LRRK2: variants seen among roughly 807,000 people sequenced by gnomAD.
LRRK2 encodes leucine-rich repeat serine/threonine-protein kinase 2.
LRRK2 carries 203 observed loss-of-function variants against 302.6 expected under a neutral mutation model. That is an observed-to-expected ratio of 0.67 (90% CI 0.60 to 0.75). The LOEUF (loss-of-function observed/expected upper bound fraction) is 0.75. Among genes scored for constraint, LRRK2 ranks in the 30% least tolerant of loss-of-function variants. The pLI is 0.00. For synonymous variants in LRRK2, 1,066 were observed against 1,031.9 expected, an observed-to-expected ratio of 1.03 and a Z score of -0.63; for missense variants, 2,830 against 2,951.0, an observed-to-expected ratio of 0.96 and a Z score of 0.95.
chr12:40,316,457 G>A (rs1945225568), intron 33 of LRRK2: 1 of 461,232 alleles, frequency 2.2e-6, no homozygotes, highest in East Asian at 1.5e-4. Context: ...CATGGATAAT[G>A]TGATTTTACT....
chr12:40,236,470 T>G (rs933854854), intron 4 of LRRK2, among the ~76,000 whole-genome samples: 34 of 152,194 alleles, frequency 2.2e-4, no homozygotes, highest in African/African-American at 8.0e-4. Context: ...CTTGAAATGA[T>G]GCAACAGTTG....
chr12:40,296,770 A>G (rs996076083), intron 23 of LRRK2, among the ~76,000 whole-genome samples: 1 of 152,144 alleles, frequency 6.6e-6, no homozygotes, highest in Non-Finnish European at 1.5e-5. Context: ...TAAAGTTTTT[A>G]TATCTGGAGA....
chr12:40,316,285 A>AT (rs1945217197), intron 33 of LRRK2: 1 of 982,930 alleles, frequency 1.0e-6, no homozygotes, highest in Non-Finnish European at 1.2e-6. Flanking sequence ...AAGGAAAAAA[A>AT]GGAAGCTATT....
At chr12:40,359,567 A>G (rs1946643549) in intron 47 of LRRK2, 123 bp downstream of exon 47, 4 of 890,670 alleles carry the variant, frequency 4.5e-6, no homozygotes, top group Non-Finnish European at 6.6e-6. Flanking sequence ...TTTATTTTCT[A>G]TCATAAAATT....
chr12:40,229,955 CTTTTTTTTTTTTTTTT>C (rs71078229), intron 2 of LRRK2, among the ~76,000 whole-genome samples: 3 of 92,902 alleles, frequency 3.2e-5, no homozygotes, highest in Non-Finnish European at 4.2e-5. Flanking sequence ...TCCTATGTGA[CTTTTTTTTTTTTTTTT>C]TTTTTTTTTT....
intron 14 of LRRK2, among the ~76,000 whole-genome samples, chr12:40,271,433 A>G (rs1471493842): frequency 6.6e-6 from 1 of 152,154 alleles, no homozygotes; most frequent in South Asian, 2.1e-4. Flanking sequence ...CAGTCATTGG[A>G]GAAACCATTT....
chr12:40,235,595 T>C (rs771732136), intron 3 of LRRK2, 31 bp from the exon 4 acceptor site: 2 of 1,437,268 alleles, frequency 1.4e-6, no homozygotes, highest in East Asian at 4.5e-5. Context: ...TGATATTTCA[T>C]TCTTATCTTG....
chr12:40,321,909 T>C (rs1945413496), intron 35 of LRRK2, 126 bp from the exon 36 acceptor site: 2 of 878,534 alleles, frequency 2.3e-6, no homozygotes, highest in Admixed American at 4.2e-5. Flanking sequence ...AGGACTCATA[T>C]CAGTAACAAC....
Position 40,329,389 on chromosome 12 carries a change from C to T in LRRK2, c.5757+929C>T, listed in dbSNP as rs142921676. 3.0e-3 allele frequency among the ~76,000 whole-genome samples: 461 copies of T among 152,198 alleles called. 1 individual carries two copies. The highest frequency in any genetic ancestry group is 4.9e-3 in the Non-Finnish European group (335 of 68,006). ...ATTAACGCTATTCTTTCTCCTTTTCCCATCACCTTCTCAAGTTCTTTAATT... is the reference window on the plus strand; with the variant it reads ...ATTAACGCTATTCTTTCTCCTTTTCTCATCACCTTCTCAAGTTCTTTAATT... On this transcript the variant is annotated intron_variant, in intron 39 of 50. Transcript: ENST00000298910.
chr12:40,334,965 A>C lies in LRRK2; in HGVS notation c.5758-2A>C. 1 of 1,613,824 alleles carries C rather than the reference A, an allele frequency of 6.2e-7. No individual in the cohort carries two copies. Among genetic ancestry groups the C allele is most frequent in the South Asian group, 1.1e-5 (1 of 91,058 alleles). ...CTCTTACATGATTTTGGACTTTTGCAGGAGCTTGTGGTGCTTTGCCACCTC... is the reference window on the plus strand; with the variant it reads ...CTCTTACATGATTTTGGACTTTTGCCGGAGCTTGTGGTGCTTTGCCACCTC... On this transcript the variant is annotated splice_acceptor_variant, in intron 39 of 50. Transcript: ENST00000298910. LOFTEE classifies it high-confidence loss of function.
At chr12:40,281,952 A>G (rs1366834178) in intron 18 of LRRK2, among the ~76,000 whole-genome samples, 1 of 151,920 alleles carries the variant, frequency 6.6e-6, no homozygotes, top group Admixed American at 6.6e-5. Context: ...TATCTTAGAG[A>G]AAAAAAAGTT....
At chr12:40,353,365 C>G (rs1946426563) in intron 44 of LRRK2, among the ~76,000 whole-genome samples, 1 of 150,918 alleles carries the variant, frequency 6.6e-6, no homozygotes, top group Admixed American at 6.6e-5. Flanking sequence ...CGGGCATAGG[C>G]TCTCCTCACA....
intron 18 of LRRK2, among the ~76,000 whole-genome samples, chr12:40,281,226 C>A (rs745839415): frequency 1.3e-5 from 2 of 152,148 alleles, no homozygotes; most frequent in Admixed American, 6.5e-5. Flanking sequence ...ACGAAAAGGT[C>A]CAGTAGGTTC....
At chr12:40,319,150 T>G (rs1945321142) in intron 33 of LRRK2, among the ~76,000 whole-genome samples, 1 of 152,082 alleles carries the variant, frequency 6.6e-6, no homozygotes, top group Non-Finnish European at 1.5e-5. Context: ...CAAAGCAAAA[T>G]AAATTGGAAT....
At chr12:40,298,953 A>T (rs1944516323) in intron 24 of LRRK2, among the ~76,000 whole-genome samples, 156 bp from the exon 25 acceptor site, 2 of 140,028 alleles carry the variant, frequency 1.4e-5, no homozygotes, top group African/African-American at 5.5e-5. Context: ...AATGAATATT[A>T]CAACTTTTAT....
intron 39 of LRRK2, 109 bp downstream of exon 39, chr12:40,328,569 T>G (rs1945620594): frequency 1.3e-6 from 1 of 794,670 alleles, no homozygotes; most frequent in South Asian, 1.7e-5. Context: ...CATTTCTACT[T>G]AAGTTTAATT....
At chr12:40,351,017 C>T (rs933033585) in intron 43 of LRRK2, among the ~76,000 whole-genome samples, 2 of 152,122 alleles carry the variant, frequency 1.3e-5, no homozygotes. Context: ...GGCAGGTGGC[C>T]ATGTCACAGC....
chr12:40,240,242 C>G (rs1403635851), intron 5 of LRRK2, among the ~76,000 whole-genome samples: 2 of 152,146 alleles, frequency 1.3e-5, no homozygotes, highest in African/African-American at 4.8e-5. Context: ...CTGACTAGCA[C>G]TTTTACATTT....
intron 14 of LRRK2, among the ~76,000 whole-genome samples, chr12:40,268,561 A>C (rs180903515): frequency 1.8e-4 from 28 of 152,262 alleles, no homozygotes; most frequent in African/African-American, 6.5e-4. Flanking sequence ...TGAAGGACTA[A>C]ATTTTTAAAA....
Sources: allele counts gnomAD v4.1 joint callset (sites outside exome capture counted in the v4.1 genomes callset), GRCh38; gene constraint gnomAD v4.1.1; transcripts MANE v1.5; gene names NCBI Gene and HGNC (gene_info 2026-07-23, HGNC 2026-07-21).